Variants in TENM4 observed in about 807,000 individuals in gnomAD.
The protein encoded by TENM4 is teneurin-4.
In TENM4, 82 loss-of-function variants were observed where a neutral mutation model predicts 243.3. The ratio of observed to expected loss-of-function variants is 0.34; its 90% CI spans 0.28 to 0.40. TENM4 has a LOEUF of 0.40. Ranked by LOEUF, TENM4 falls within the 10% of genes least tolerant of loss-of-function variation. The pLI, the probability that TENM4 is intolerant of heterozygous loss-of-function variation, is 1.00. For synonymous variants in TENM4, 1,412 were observed against 1,456.3 expected, an observed-to-expected ratio of 0.97 and a Z score of 0.69; for missense variants, 3,138 against 3,673.3, an observed-to-expected ratio of 0.85 and a Z score of 3.77.
chr11:78,983,684 C>T (rs1857854574), intron 6 of TENM4, among the ~76,000 whole-genome samples: 1 of 152,104 alleles, frequency 6.6e-6, no homozygotes, highest in South Asian at 2.1e-4. Context: ...CAGGGCATGC[C>T]TACCAACTGT....
In TENM4 at chr11:79,295,858, GTTT is replaced by G. The variant is rs59506832; in HGVS notation, c.-265+1627_-265+1629del. Among the ~76,000 whole-genome samples the G allele has an allele frequency of 8.9e-3, 1,296 of 146,154 alleles. 21 individuals carry two copies. The highest frequency in any genetic ancestry group is 0.031 in the African/African-American group (1,237 of 39,382). ...TTGTTGAAAAATTACACCCGTAAGT[GTTT>G]TTTTTTTTTAATAAGAATTGCCTCC... On this transcript the variant is annotated intron_variant, in intron 2 of 33. Transcript: ENST00000278550.
chr11:78,819,598 T>A (rs1857682272), intron 12 of TENM4, among the ~76,000 whole-genome samples: 1 of 152,148 alleles, frequency 6.6e-6, no homozygotes, highest in South Asian at 2.1e-4. Context: ...TCTGTGGACG[T>A]GCGAGCTTGA....
chr11:78,740,240 TTC>T (rs1161247982), intron 19 of TENM4, among the ~76,000 whole-genome samples: 113 of 152,198 alleles, frequency 7.4e-4, no homozygotes, highest in Non-Finnish European at 7.3e-5. Flanking sequence ...TGATAAACTT[TTC>T]TCTGTTGGAC....
chr11:79,287,274 C>T (rs965360922), intron 2 of TENM4, among the ~76,000 whole-genome samples: 2 of 152,124 alleles, frequency 1.3e-5, no homozygotes, highest in Non-Finnish European at 2.9e-5. Context: ...TTCTTGGTTA[C>T]ATGCCATTAG....
intron 6 of TENM4, among the ~76,000 whole-genome samples, chr11:78,934,027 AT>A (rs1054158472): frequency 6.6e-6 from 1 of 152,174 alleles, no homozygotes; most frequent in Non-Finnish European, 1.5e-5. Flanking sequence ...ACTGTTAGGA[AT>A]TTTAAAATAC....
chr11:79,253,331 A>G (rs541269311), intron 2 of TENM4, among the ~76,000 whole-genome samples: 2 of 152,312 alleles, frequency 1.3e-5, no homozygotes, highest in South Asian at 4.1e-4. Flanking sequence ...TCCTTTTATG[A>G]GGTGTCTGCT....
chr11:79,195,076 C>T (rs1455479954), intron 3 of TENM4, among the ~76,000 whole-genome samples: 1 of 152,226 alleles, frequency 6.6e-6, no homozygotes, highest in African/African-American at 2.4e-5. Flanking sequence ...GGCTGGAAGC[C>T]CCAAGCCTTG....
intron 2 of TENM4, among the ~76,000 whole-genome samples, chr11:79,286,360 A>G (rs1052251219): frequency 6.6e-6 from 1 of 152,084 alleles, no homozygotes; most frequent in Non-Finnish European, 1.5e-5. Flanking sequence ...GTTTTCTATA[A>G]GTAGAAATAG....
rs1488694189 is a variant in TENM4, at chr11:78,729,576, G to A, written c.3206C>T (p.Pro1069Leu). 1 of 1,613,950 alleles carries A rather than the reference G, an allele frequency of 6.2e-7. No homozygotes were observed. Among genetic ancestry groups the A allele is most frequent in the South Asian group, 1.1e-5 (1 of 91,076 alleles). ...MRLSYLSSRT[P>L]GYKSVLRISL... The stretch of plus-strand genomic sequence containing the variant: ...GATCCTCAGGACAGATTTGTAGCCA[G>A]GGGTCCGGCTGCTCAGGTAGCTCAG... Residue 1069 changes from proline to leucine, a missense_variant, in exon 22 of 34, where the codon CCT (proline) becomes CTT (leucine). Transcript: ENST00000278550.
At chr11:78,925,855 G>GA (rs1181957859) in intron 6 of TENM4, among the ~76,000 whole-genome samples, 30 of 128,176 alleles carry the variant, frequency 2.3e-4, no homozygotes, top group East Asian at 1.6e-3. Flanking sequence ...ATAAGGCAAA[G>GA]AAAAAAAAAA....
intron 12 of TENM4, among the ~76,000 whole-genome samples, chr11:78,828,700 C>T (rs1857912370): frequency 1.3e-5 from 2 of 152,230 alleles, no homozygotes; most frequent in Non-Finnish European, 2.9e-5. Flanking sequence ...TATTTTATAG[C>T]TGCTCTAGCC....
chr11:79,195,440 T>A (rs1330599638), intron 3 of TENM4, among the ~76,000 whole-genome samples: 7 of 152,286 alleles, frequency 4.6e-5, no homozygotes, highest in Admixed American at 2.0e-4. Flanking sequence ...GGAGGAAGGC[T>A]GTACCCTGCA....
At chr11:78,809,444 C>A (rs181832248) in intron 14 of TENM4, among the ~76,000 whole-genome samples, 58 of 152,298 alleles carry the variant, frequency 3.8e-4, no homozygotes, top group African/African-American at 1.4e-3. Flanking sequence ...CTCTACTGAT[C>A]CTATAGGGCC....
intron 6 of TENM4, among the ~76,000 whole-genome samples, chr11:79,032,241 G>T (rs144774851): frequency 6.6e-6 from 1 of 152,192 alleles, no homozygotes; most frequent in Non-Finnish European, 1.5e-5. Flanking sequence ...CTGGAGATGT[G>T]AGATCACAGC....
intron 2 of TENM4, among the ~76,000 whole-genome samples, chr11:79,295,888 A>G (rs1363642970): frequency 1.9e-5 from 2 of 106,034 alleles, no homozygotes; most frequent in African/African-American, 8.7e-5. Flanking sequence ...ATTGCCTCCC[A>G]GGGATTAAAC....
At chr11:78,741,842 T>C (rs988286824) in intron 19 of TENM4, among the ~76,000 whole-genome samples, 4 of 152,188 alleles carry the variant, frequency 2.6e-5, no homozygotes, top group African/African-American at 9.7e-5. Flanking sequence ...GAAAAACCAT[T>C]AACGTGGGAG....
At chr11:79,205,446 A>G (rs557147718) in intron 3 of TENM4, among the ~76,000 whole-genome samples, 12 of 152,238 alleles carry the variant, frequency 7.9e-5, no homozygotes, top group African/African-American at 2.9e-4. Flanking sequence ...AAGGATCCTC[A>G]TGTGTCCTTT....
Position 78,787,009 on chromosome 11 carries a change from C to T in TENM4, c.2254G>A (p.Gly752Arg), listed in dbSNP as rs1376362538. 6.4e-7 allele frequency: 1 copy of T among 1,567,936 alleles called. No individual in the cohort carries two copies. Residue 752 changes from glycine (G) to arginine (R), a missense_variant, in exon 16 of 34, where the codon GGG (glycine) becomes AGG (arginine). Gly to Arg is a moderately radical substitution (Grantham distance 125). Coordinates refer to ENST00000278550, the MANE Select transcript of TENM4 (RefSeq NM_001098816.3). ...CAGGCCCGCTGGTCGCAGGCTGCCC[C>T]CATCCAGCCATCCTCGCAGCGGCAG... is the stretch of plus-strand genomic sequence containing the variant. Reference protein sequence around the residue: ...GTCRCEDGWMGAACDQRACHP... With the variant: ...GTCRCEDGWMRAACDQRACHP...
At chr11:78,925,946 G>A (rs1388390755) in intron 6 of TENM4, among the ~76,000 whole-genome samples, 2 of 148,002 alleles carry the variant, frequency 1.4e-5, no homozygotes, top group Non-Finnish European at 2.9e-5. Context: ...TGGCTCAGGA[G>A]GAAAAGAAAT....
Sources: gnomAD v4.1 joint callset for allele counts (sites outside exome capture counted in the v4.1 genomes callset) on GRCh38, gnomAD v4.1.1 for gene constraint, MANE v1.5 for transcripts, NCBI Gene and HGNC (gene_info 2026-07-23, HGNC 2026-07-21) for gene names.